FADS2: variants seen among roughly 807,000 people sequenced by gnomAD.
FADS2 encodes acyl-CoA 6-desaturase.
FADS2 carries 18 observed loss-of-function variants against 61.2 expected under a neutral mutation model. That is an observed-to-expected ratio of 0.29 (90% CI 0.20 to 0.44). The LOEUF (loss-of-function observed/expected upper bound fraction) is 0.44. Ranked by LOEUF, FADS2 falls within the 20% of genes least tolerant of loss-of-function variation. FADS2 has a pLI of 1.00. For missense variants in FADS2, 322 were observed against 572.7 expected (o/e 0.56, Z 4.47); for synonymous variants, 203 against 223.9 (o/e 0.91, Z 0.83).
intron 2 of FADS2, among the ~76,000 whole-genome samples, chr11:61,839,329 C>CTTTCT (rs1565329864): frequency 2.0e-5 from 3 of 146,626 alleles, no homozygotes; most frequent in African/African-American, 7.5e-5. Flanking sequence ...TTCTTTCTTT[C>CTTTCT]TTTTTTTTTT....
intron 5 of FADS2, among the ~76,000 whole-genome samples, chr11:61,848,486 A>G (rs1217882536): frequency 6.6e-6 from 1 of 152,140 alleles, no homozygotes; most frequent in Non-Finnish European, 1.5e-5. Flanking sequence ...AAGCCTAGAG[A>G]GCTGACATTC....
At chr11:61,848,390 C>T (rs1466536902) in intron 5 of FADS2, 106 bp downstream of exon 5, 2 of 1,556,548 alleles carry the variant, frequency 1.3e-6, no homozygotes, top group Non-Finnish European at 1.8e-6. Flanking sequence ...AAGTGTTTGG[C>T]CTGGGCGAAT....
intron 1 of FADS2, 66 bp from the exon 2 acceptor site, chr11:61,837,712 C>T (rs1033707173): frequency 4.2e-5 from 47 of 1,131,540 alleles, no homozygotes; most frequent in Non-Finnish European, 6.0e-5. Context: ...TGAGCACTGT[C>T]CTCCTTGGGG....
chr11:61,864,486 C>G (rs761856598), intron 10 of FADS2, among the ~76,000 whole-genome samples: 1 of 152,098 alleles, frequency 6.6e-6, no homozygotes, highest in Non-Finnish European at 1.5e-5. Context: ...CTCCACCTAC[C>G]AGGTTCAAGC....
intron 4 of FADS2, among the ~76,000 whole-genome samples, chr11:61,844,090 G>A (rs1466115033): frequency 6.6e-6 from 1 of 152,130 alleles, no homozygotes; most frequent in African/African-American, 2.4e-5. Context: ...AAACATGTTC[G>A]TGTGTCATTT....
At chr11:61,850,644 G>A (rs1313483244) in intron 5 of FADS2, among the ~76,000 whole-genome samples, 1 of 151,874 alleles carries the variant, frequency 6.6e-6, no homozygotes, top group Non-Finnish European at 1.5e-5. Context: ...CCTCTATGTC[G>A]GGACCTAATT....
chr11:61,828,059 G>A (rs915752087), upstream of FADS2: 10 of 1,199,008 alleles, frequency 8.3e-6, no homozygotes, highest in African/African-American at 1.6e-5. This position sits in a 1 kb window ranked among gnomAD's most constrained non-coding sequence, Gnocchi z 6.4. Context: ...GGAGCCGGAG[G>A]GGCGGGCAGA....
intron 5 of FADS2, among the ~76,000 whole-genome samples, chr11:61,849,474 T>C (rs971949810): frequency 2.0e-5 from 3 of 152,078 alleles, no homozygotes; most frequent in African/African-American, 7.2e-5. Context: ...GTCTCAGTTA[T>C]TGGGGAGGCT....
chr11:61,858,808 AC>A (rs1478332293), intron 7 of FADS2, among the ~76,000 whole-genome samples: 1 of 151,658 alleles, frequency 6.6e-6, no homozygotes, highest in Non-Finnish European at 1.5e-5. Context: ...CTGGTCTCGA[AC>A]TCTTGACTCG....
At position 61,865,301 on chromosome 11, in the gene FADS2, G is replaced by T. The variant is rs200707981; in HGVS notation, c.1283+24G>T. On this transcript the variant is annotated intron_variant, in intron 11 of 11. Coordinates refer to ENST00000278840, the MANE Select transcript of FADS2 (RefSeq NM_004265.4). This position sits in a 1 kb window ranked among gnomAD's most constrained non-coding sequence, Gnocchi z 4.1. ...AGGTGAGGGGTGGAGGTCCACAGGC[G>T]CTGGGCCCTGGGATCACCCGTGGTG... 2 of 1,610,478 alleles carry T rather than the reference G, an allele frequency of 1.2e-6. No homozygotes were observed. The highest frequency in any genetic ancestry group is 1.3e-5 in the African/African-American group (1 of 74,970).
chr11:61,846,902 G>A (rs1371003403), intron 4 of FADS2: 2 of 151,844 alleles, frequency 1.3e-5, no homozygotes, highest in Admixed American at 1.3e-4. Flanking sequence ...CCCACCCTCA[G>A]CATAGCAGCA....
At chr11:61,850,866 C>A (rs544322282) in intron 5 of FADS2, among the ~76,000 whole-genome samples, 37 of 152,130 alleles carry the variant, frequency 2.4e-4, no homozygotes, top group Non-Finnish European at 4.7e-4. Flanking sequence ...ACAGCCTTGG[C>A]GCCTAAGGCT....
intron 4 of FADS2, 123 bp from the exon 5 acceptor site, chr11:61,848,036 G>C (rs535242488): frequency 8.7e-7 from 1 of 1,148,206 alleles, no homozygotes; most frequent in African/African-American, 1.5e-5. Flanking sequence ...GCCTTGTGGG[G>C]GCCTGAAGTG....
At chr11:61,821,653 T>C (rs1365123648) in intron 1 of FADS2, among the ~76,000 whole-genome samples, 1 of 152,128 alleles carries the variant, frequency 6.6e-6, no homozygotes, top group East Asian at 1.9e-4. Context: ...TTTTGAAAAA[T>C]CTGGATTTCT....
intron 5 of FADS2, chr11:61,848,907 GT>G: frequency 6.6e-6 from 1 of 152,416 alleles, no homozygotes; most frequent in Non-Finnish European, 1.5e-5. Flanking sequence ...AATTTATTTA[GT>G]TTTTTTTCTG....
At chr11:61,857,349 C>T in intron 6 of FADS2, 105 bp from the exon 7 acceptor site, 1 of 1,071,784 alleles carries the variant, frequency 9.3e-7, no homozygotes, top group African/African-American at 1.5e-5. Flanking sequence ...CTGCCCACGT[C>T]TGCAGGGCTG....
chr11:61,824,477 AG>A (rs1172285229), upstream of FADS2, among the ~76,000 whole-genome samples: 56 of 6,850 alleles, frequency 8.2e-3, 7 homozygotes, highest in Non-Finnish European at 0.043. Context: ...AGAGAGAGAG[AG>A]AGAGAGAGAG....
chr11:61,826,393 G>A (rs1350467556), upstream of FADS2: 4 of 702,396 alleles, frequency 5.7e-6, no homozygotes, highest in East Asian at 1.1e-4. Flanking sequence ...CCCTTTTAGG[G>A]CCTGAACCTT....
chr11:61,825,617 C>CA (rs921881577), upstream of FADS2, among the ~76,000 whole-genome samples: 1,994 of 72,312 alleles, frequency 0.028, 26 homozygotes, highest in Middle Eastern at 0.062. Context: ...GACCCTGTCT[C>CA]AAAAAAAAAA....
Sources: gnomAD v4.1 joint callset for allele counts (sites outside exome capture counted in the v4.1 genomes callset) on GRCh38, gnomAD v4.1.1 for gene constraint, Gnocchi (gnomAD v3.1) non-coding constraint, MANE v1.5 for transcripts, NCBI Gene and HGNC (gene_info 2026-07-23, HGNC 2026-07-21) for gene names.